Variants in ENPP6 observed in about 807,000 individuals in gnomAD.
The protein encoded by ENPP6 is ectonucleotide pyrophosphatase/phosphodiesterase 6.
Under a neutral mutation model 42.0 loss-of-function variants are expected in ENPP6, and 32 were observed. The ratio of observed to expected loss-of-function variants is 0.76; its 90% CI spans 0.58 to 1.02. The LOEUF is 1.02. Among genes scored for constraint, ENPP6 ranks in the 50% least tolerant of loss-of-function variants. The probability of loss-of-function intolerance (pLI) is 0.00; values close to 1 mark genes in which losing one functional copy is unlikely to be tolerated. For synonymous variants in ENPP6, 213 were observed against 216.0 expected (o/e 0.99, Z 0.12); for missense variants, 552 against 566.8 (o/e 0.97, Z 0.27).
At chr4:184,185,792 T>C (rs570510914) in intron 1 of ENPP6, among the ~76,000 whole-genome samples, 6 of 152,320 alleles carry the variant, frequency 3.9e-5, no homozygotes, top group African/African-American at 1.4e-4. Flanking sequence ...CAAAGGAACA[T>C]GGCAACCAAA....
chr4:184,164,850 G>C (rs1332798583), intron 1 of ENPP6, among the ~76,000 whole-genome samples: 1 of 152,158 alleles, frequency 6.6e-6, no homozygotes, highest in Admixed American at 6.5e-5. Flanking sequence ...AGGTATACTG[G>C]AGCCAGGATT....
chr4:184,168,567 C>G (rs1737399478), intron 1 of ENPP6, among the ~76,000 whole-genome samples: 1 of 152,234 alleles, frequency 6.6e-6, no homozygotes, highest in East Asian at 1.9e-4. Flanking sequence ...AGCGAGCCCT[C>G]TGAGCCTGGC....
intron 2 of ENPP6, among the ~76,000 whole-genome samples, chr4:184,134,302 G>A (rs1352037223): frequency 1.3e-5 from 2 of 151,958 alleles, no homozygotes; most frequent in African/African-American, 4.8e-5. Flanking sequence ...TGCATTCTCT[G>A]GAAGAATTTC....
intron 1 of ENPP6, among the ~76,000 whole-genome samples, chr4:184,189,348 C>T (rs545340542): frequency 3.7e-4 from 56 of 152,304 alleles, no homozygotes; most frequent in African/African-American, 1.3e-3. Flanking sequence ...AACAGAAATT[C>T]CTGGCCTAGA....
At chr4:184,126,395 GGA>G (rs1736503493) in intron 2 of ENPP6, among the ~76,000 whole-genome samples, 1 of 152,114 alleles carries the variant, frequency 6.6e-6, no homozygotes, top group Non-Finnish European at 1.5e-5. Flanking sequence ...GTGTCAAAGT[GGA>G]GCTGTTGTTA....
chr4:184,199,245 C>G (rs80089866), intron 1 of ENPP6, among the ~76,000 whole-genome samples: 88 of 152,334 alleles, frequency 5.8e-4, no homozygotes, highest in African/African-American at 2.0e-3. Flanking sequence ...AGTTACCCAT[C>G]TTCCCTCTTT....
Position 184,207,403 on chromosome 4 carries a change from C to T in ENPP6, c.241+10176G>A, listed in dbSNP as rs375964110. Among the ~76,000 whole-genome samples the T allele has an allele frequency of 1.1e-4, 17 of 152,346 alleles. No homozygotes were observed. In the South Asian group the frequency reaches 3.5e-3, roughly 32 times the overall value. On this transcript the variant is annotated intron_variant, in intron 1 of 7. Coordinates refer to ENST00000296741, the MANE Select transcript of ENPP6 (RefSeq NM_153343.4). ...CCTCTTACCCATGACCTGGATTGAACAAATCACTGCTTTCTTTCCTTGACT... is the reference window on the plus strand; with the variant it reads ...CCTCTTACCCATGACCTGGATTGAATAAATCACTGCTTTCTTTCCTTGACT...
rs6831285 is a variant in ENPP6 at position 184,111,145 on chromosome 4, G to T, written c.993+1527C>A. On this transcript the variant is annotated intron_variant, in intron 6 of 7. Coordinates refer to ENST00000296741, the MANE Select transcript of ENPP6 (RefSeq NM_153343.4). The stretch of plus-strand genomic sequence containing the variant: ...TCCACCAAGATGCCCGATCACTTCT[G>T]CGCTCTTATACTCTCCCTCCCTACC... Among the ~76,000 whole-genome samples, 1,146 of 152,180 alleles carry T rather than the reference G, an allele frequency of 7.5e-3. 17 individuals carry two copies. The highest frequency in any genetic ancestry group is 0.026 in the African/African-American group (1,066 of 41,504).
At chr4:184,136,179 TAGTCTATTAA>T (rs76331661) in intron 2 of ENPP6, among the ~76,000 whole-genome samples, 38,458 of 150,884 alleles carry the variant, frequency 0.25, 6,191 homozygotes, top group Admixed American at 0.41. Flanking sequence ...ATGGAAATAT[TAGTCTATTAA>T]AGTCTATTAG....
chr4:184,100,779 G>C (rs1359547338), intron 6 of ENPP6, among the ~76,000 whole-genome samples: 1 of 152,210 alleles, frequency 6.6e-6, no homozygotes, highest in African/African-American at 2.4e-5. Flanking sequence ...GAACGTCCCT[G>C]CCAGCATGTG....
intron 1 of ENPP6, among the ~76,000 whole-genome samples, chr4:184,201,701 G>C (rs907453074): frequency 5.9e-5 from 9 of 151,764 alleles, no homozygotes; most frequent in Non-Finnish European, 1.3e-4. Flanking sequence ...ATAATGATGT[G>C]CTGGGAGACA....
intron 1 of ENPP6, among the ~76,000 whole-genome samples, chr4:184,203,338 T>C (rs1043186213): frequency 1.3e-5 from 2 of 152,220 alleles, no homozygotes; most frequent in Non-Finnish European, 2.9e-5. Flanking sequence ...TTAAGTTTGA[T>C]CTTTGACAGC....
chr4:184,139,274 G>A (rs571690317), intron 2 of ENPP6, among the ~76,000 whole-genome samples: 1 of 152,096 alleles, frequency 6.6e-6, no homozygotes, highest in Non-Finnish European at 1.5e-5. Context: ...GTGGAAGAGA[G>A]AGCAGTTTCA....
chr4:184,177,466 C>T (rs1049300927), intron 1 of ENPP6, among the ~76,000 whole-genome samples: 15 of 152,304 alleles, frequency 9.8e-5, no homozygotes, highest in South Asian at 2.1e-4. Flanking sequence ...GCAGTCCAGA[C>T]GAGTGGGATT....
chr4:184,131,140 ACTTTCTTTCTTTCTTTCTTT>A (rs1171459794), intron 2 of ENPP6, among the ~76,000 whole-genome samples: 9 of 121,630 alleles, frequency 7.4e-5, no homozygotes, highest in Non-Finnish European at 8.5e-5. Flanking sequence ...ACCAGCACTT[ACTTTCTTTCTTTCTTTCTTT>A]CTTTCTTTCT....
intron 2 of ENPP6, among the ~76,000 whole-genome samples, chr4:184,131,159 TTC>T (rs1384536288): frequency 1.9e-5 from 1 of 52,802 alleles, no homozygotes; most frequent in Non-Finnish European, 3.9e-5. Flanking sequence ...CTTTCTTTCT[TTC>T]TTTCTTTCTT....
At chr4:184,107,156 G>A (rs1736110864) in intron 6 of ENPP6, among the ~76,000 whole-genome samples, 1 of 152,152 alleles carries the variant, frequency 6.6e-6, no homozygotes, top group African/African-American at 2.4e-5. Flanking sequence ...GTGCTCTGGG[G>A]AAGAGTGTGA....
At chr4:184,103,431 C>CT (rs1368802352) in intron 6 of ENPP6, among the ~76,000 whole-genome samples, 1 of 152,192 alleles carries the variant, frequency 6.6e-6, no homozygotes, top group Non-Finnish European at 1.5e-5. Context: ...TAAAAATCTA[C>CT]TTTTTTCTTC....
In ENPP6 at chr4:184,176,219, C is replaced by T. The variant is rs192806909; in HGVS notation, c.242-22486G>A. ...TAGGAATCCAACTTCAGAAGCAGCACCTTTGGCCAACAGATCAAGGCCTCT... is the reference window on the plus strand; with the variant it reads ...TAGGAATCCAACTTCAGAAGCAGCATCTTTGGCCAACAGATCAAGGCCTCT... On this transcript the variant is annotated intron_variant, in intron 1 of 7. Transcript: ENST00000296741. 4.1e-3 allele frequency among the ~76,000 whole-genome samples: 624 copies of T among 152,300 alleles called. 7 individuals are homozygous for T. The highest frequency in any genetic ancestry group is 4.9e-3 in the Non-Finnish European group (335 of 68,026).
Sources: gnomAD v4.1 joint callset for allele counts (sites outside exome capture counted in the v4.1 genomes callset) on GRCh38, gnomAD v4.1.1 for gene constraint, MANE v1.5 for transcripts, NCBI Gene and HGNC (gene_info 2026-07-23, HGNC 2026-07-21) for gene names.